LRPPRC: variants seen among roughly 807,000 people sequenced by gnomAD.
LRPPRC encodes the protein leucine rich pentatricopeptide repeat containing, also known as leucine-rich PPR motif-containing protein, mitochondrial.
Under a neutral mutation model 180.3 loss-of-function variants are expected in LRPPRC, and 120 were observed. That is an observed-to-expected ratio of 0.67 (90% CI 0.57 to 0.77). The LOEUF (loss-of-function observed/expected upper bound fraction) is 0.77. Ranked by LOEUF, LRPPRC falls within the 30% of genes least tolerant of loss-of-function variation. The pLI, the probability that LRPPRC is intolerant of heterozygous loss-of-function variation, is 0.00. For missense variants in LRPPRC, 2,012 were observed against 1,657.2 expected (o/e 1.21, Z -3.72); for synonymous variants, 723 against 600.0 (o/e 1.21, Z -3.00).
At chr2:43,946,330 A>T (rs1231913491) in intron 20 of LRPPRC, 87 bp from the exon 21 acceptor site, 9 of 983,088 alleles carry the variant, frequency 9.2e-6, no homozygotes, top group Non-Finnish European at 1.5e-5. Flanking sequence ...AGAGTTTAGA[A>T]AAAGTTAATA....
chr2:43,954,183 G>C (rs943670745), intron 14 of LRPPRC, among the ~76,000 whole-genome samples: 1 of 151,596 alleles, frequency 6.6e-6, no homozygotes, highest in Non-Finnish European at 1.5e-5. Flanking sequence ...CTGCAACAAG[G>C]TTTAAAAAAA....
Position 43,918,009 on chromosome 2 carries a change from C to G in LRPPRC, c.3148+16G>C. ...ACCACCCCCCCACACACACCCCCAT[C>G]CCCGTATGTGCTTGCCTTTTTTTTG... is the stretch of plus-strand genomic sequence containing the variant. On this transcript the variant is annotated intron_variant, in intron 29 of 37. Transcript: ENST00000260665. The G allele has an allele frequency of 6.4e-7, 1 of 1,560,402 alleles. No individual in the cohort carries two copies. The highest frequency in any genetic ancestry group is 8.8e-7 in the Non-Finnish European group (1 of 1,132,096).
intron 29 of LRPPRC, among the ~76,000 whole-genome samples, chr2:43,915,616 G>A (rs1671438941): frequency 6.6e-6 from 1 of 152,124 alleles, no homozygotes; most frequent in Non-Finnish European, 1.5e-5. Flanking sequence ...CCTGGGAAGT[G>A]GAGGTTGCAG....
intron 1 of LRPPRC, among the ~76,000 whole-genome samples, chr2:43,991,021 T>A (rs542678335): frequency 6.7e-6 from 1 of 148,470 alleles, no homozygotes; most frequent in South Asian, 2.2e-4. Flanking sequence ...AACTTATGTA[T>A]AGATACTTTT....
chr2:43,902,573 TTA>T (rs1221156190), intron 31 of LRPPRC: 1 of 152,082 alleles, frequency 6.6e-6, no homozygotes, highest in African/African-American at 2.4e-5. Flanking sequence ...AATAAAGAAT[TTA>T]TGATTATTTG....
At chr2:43,933,906 T>C (rs998995374) in intron 25 of LRPPRC, among the ~76,000 whole-genome samples, 2 of 152,202 alleles carry the variant, frequency 1.3e-5, no homozygotes, top group African/African-American at 4.8e-5. Context: ...TTTAATTTAA[T>C]TGTTCCACAA....
At chr2:43,926,281 A>G (rs955066604) in intron 25 of LRPPRC, among the ~76,000 whole-genome samples, 3 of 152,226 alleles carry the variant, frequency 2.0e-5, no homozygotes, top group African/African-American at 7.2e-5. Flanking sequence ...TTCATTCCAT[A>G]AATCTTTAAT....
At chr2:43,959,192 T>A (rs1016987429) in intron 13 of LRPPRC, 1 of 716,384 alleles carries the variant, frequency 1.4e-6, no homozygotes, top group African/African-American at 1.7e-5. Context: ...CTAATGCTTC[T>A]CTGTTTTCTT....
At chr2:43,896,528 T>C in intron 35 of LRPPRC, 106 bp downstream of exon 35, 1 of 724,560 alleles carries the variant, frequency 1.4e-6, no homozygotes, top group Middle Eastern at 2.3e-4. Context: ...ATCTCTATAG[T>C]ATTCTCAAAT....
At chr2:43,926,106 C>T in intron 25 of LRPPRC, 145 bp from the exon 26 acceptor site, 4 of 597,616 alleles carry the variant, frequency 6.7e-6, no homozygotes, top group Middle Eastern at 4.5e-4. Flanking sequence ...TACTAGTATA[C>T]AATCTATATA....
intron 25 of LRPPRC, among the ~76,000 whole-genome samples, chr2:43,926,622 G>A (rs942022120): frequency 3.9e-5 from 6 of 151,946 alleles, no homozygotes; most frequent in East Asian, 1.9e-4. Context: ...CCACCTCAGC[G>A]TCCCAAAGTG....
At chr2:43,976,372 C>T (rs1052528182) in intron 5 of LRPPRC, 143 bp from the exon 6 acceptor site, 2 of 644,184 alleles carry the variant, frequency 3.1e-6, no homozygotes, top group Non-Finnish European at 2.8e-6. Flanking sequence ...AAAGAAAGAA[C>T]TAATCCCTTT....
At chr2:43,960,461 T>C (rs985020783) in intron 13 of LRPPRC, 80 bp downstream of exon 13, 16 of 823,302 alleles carry the variant, frequency 1.9e-5, no homozygotes, top group Middle Eastern at 2.2e-4. Flanking sequence ...CTTGCTTTCA[T>C]TGCGTGAACC....
At chr2:43,985,999 G>A (rs1674511086) in intron 1 of LRPPRC, among the ~76,000 whole-genome samples, 2 of 152,124 alleles carry the variant, frequency 1.3e-5, no homozygotes. Flanking sequence ...TTGCTGGATT[G>A]TTGCCATTCC....
chr2:43,957,182 T>C (rs1408248220), intron 14 of LRPPRC, among the ~76,000 whole-genome samples: 1 of 152,216 alleles, frequency 6.6e-6, no homozygotes, highest in African/African-American at 2.4e-5. Flanking sequence ...CCTGTGTGCA[T>C]TTCTCAGAAA....
chr2:43,918,382 C>G lies in LRPPRC; in HGVS notation c.2913G>C (p.Trp971Cys). 6.2e-7 allele frequency: 1 copy of G among 1,609,702 alleles called. No individual in the cohort carries two copies. The highest frequency in any genetic ancestry group is 1.3e-5 in the African/African-American group (1 of 74,946). ...LLKLYKINGD[W>C]QRADAVWNKI... ...TATTCCAGACTGCATCAGCTCTTTGCCAGTCACCGTTTATTTCTGTAGAAT... is the reference window on the plus strand; with the variant it reads ...TATTCCAGACTGCATCAGCTCTTTGGCAGTCACCGTTTATTTCTGTAGAAT... Residue 971 changes from tryptophan to cysteine, a missense_variant, in exon 28 of 38, where the codon TGG (tryptophan) becomes TGC (cysteine). Physicochemically the swap from Trp to Cys is radical, Grantham distance 215 (BLOSUM62 -2). Coordinates refer to ENST00000260665, the MANE Select transcript of LRPPRC (RefSeq NM_133259.4).
intron 1 of LRPPRC, among the ~76,000 whole-genome samples, chr2:43,992,005 C>A (rs1050190399): frequency 6.6e-6 from 1 of 152,160 alleles, no homozygotes; most frequent in African/African-American, 2.4e-5. Context: ...AAGTTAAACA[C>A]CAGGGAAAGC....
chr2:43,966,049 G>C (rs1048149922), intron 11 of LRPPRC, among the ~76,000 whole-genome samples: 1 of 152,178 alleles, frequency 6.6e-6, no homozygotes, highest in African/African-American at 2.4e-5. Context: ...CAGTACCCAA[G>C]ATGTAGAAAC....
At chr2:43,991,071 T>G (rs531276420) in intron 1 of LRPPRC, among the ~76,000 whole-genome samples, 2 of 150,442 alleles carry the variant, frequency 1.3e-5, no homozygotes, top group African/African-American at 4.9e-5. Context: ...ACTCTGTCAC[T>G]GAGGCTGGAG....
Sources: gnomAD v4.1 joint callset for allele counts (sites outside exome capture counted in the v4.1 genomes callset) on GRCh38, gnomAD v4.1.1 for gene constraint, MANE v1.5 for transcripts, NCBI Gene and HGNC (gene_info 2026-07-23, HGNC 2026-07-21) for gene names.